The following CDK14 variants were observed in gnomAD, a reference collection of about 807,000 sequenced individuals.
The protein encoded by CDK14 is cyclin dependent kinase 14.
Under a neutral mutation model 60.7 loss-of-function variants are expected in CDK14, and 34 were observed. The ratio of observed to expected loss-of-function variants is 0.56; its 90% CI spans 0.43 to 0.75. The LOEUF (loss-of-function observed/expected upper bound fraction) is 0.75. Ranked by LOEUF, CDK14 falls within the 30% of genes least tolerant of loss-of-function variation. The probability of loss-of-function intolerance (pLI) is 0.00; values close to 1 mark genes in which losing one functional copy is unlikely to be tolerated. For missense variants in CDK14, 482 were observed against 564.1 expected, an observed-to-expected ratio of 0.85 and a Z score of 1.47; for synonymous variants, 197 against 203.7, an observed-to-expected ratio of 0.97 and a Z score of 0.28.
chr7:90,882,684 A>G (rs1429388930), intron 6 of CDK14, among the ~76,000 whole-genome samples: 2 of 152,154 alleles, frequency 1.3e-5, no homozygotes, highest in Non-Finnish European at 2.9e-5. Context: ...GAATCAACCA[A>G]ATTAATTGGA....
intron 2 of CDK14, among the ~76,000 whole-genome samples, chr7:90,619,073 C>T (rs552790428): frequency 3.3e-5 from 5 of 152,178 alleles, no homozygotes; most frequent in Non-Finnish European, 7.3e-5. Flanking sequence ...CATTTGAGAG[C>T]CTCTAACTTG....
intron 5 of CDK14, among the ~76,000 whole-genome samples, chr7:90,831,405 C>T (rs1789906068): frequency 6.6e-6 from 1 of 152,146 alleles, no homozygotes; most frequent in Non-Finnish European, 1.5e-5. Flanking sequence ...GATGGGGGAA[C>T]CTCCCCGATG....
At chr7:91,144,295 A>G (rs917158450) in intron 14 of CDK14, among the ~76,000 whole-genome samples, 1 of 152,236 alleles carries the variant, frequency 6.6e-6, no homozygotes, top group Non-Finnish European at 1.5e-5. Context: ...TTTCAAATAG[A>G]TATCACAGTT....
At chr7:90,845,789 G>A (rs1229043853) in intron 5 of CDK14, among the ~76,000 whole-genome samples, 1 of 152,000 alleles carries the variant, frequency 6.6e-6, no homozygotes, top group Non-Finnish European at 1.5e-5. Context: ...AATAAAATGA[G>A]AATTTTTTTG....
At chr7:91,008,461 G>T (rs1476872634) in intron 10 of CDK14, among the ~76,000 whole-genome samples, 1 of 152,130 alleles carries the variant, frequency 6.6e-6, no homozygotes, top group African/African-American at 2.4e-5. Context: ...GGTTTCATGT[G>T]TTTTTGTTGT....
At chr7:90,905,383 C>G (rs1240959992) in intron 7 of CDK14, among the ~76,000 whole-genome samples, 1 of 152,064 alleles carries the variant, frequency 6.6e-6, no homozygotes, top group Non-Finnish European at 1.5e-5. Flanking sequence ...AACAAAAGAA[C>G]TAGATTATTA....
intron 2 of CDK14, among the ~76,000 whole-genome samples, chr7:90,640,881 A>G (rs763644324): frequency 4.6e-5 from 7 of 152,190 alleles, no homozygotes; most frequent in Middle Eastern, 3.2e-3. Context: ...GAATATATAA[A>G]GAACTCTTAC....
chr7:90,785,079 A>G (rs1805520531), intron 4 of CDK14, among the ~76,000 whole-genome samples: 1 of 152,234 alleles, frequency 6.6e-6, no homozygotes, highest in South Asian at 2.1e-4. Flanking sequence ...CGAGCATTGT[A>G]TATGTCTGCA....
chr7:91,187,392 T>C (rs766674358), intron 14 of CDK14, among the ~76,000 whole-genome samples: 12 of 152,248 alleles, frequency 7.9e-5, no homozygotes, highest in Non-Finnish European at 1.5e-4. Context: ...CAGAGTGTTC[T>C]TTTCACCATT....
At chr7:90,794,831 T>C (rs1805987625) in intron 5 of CDK14, among the ~76,000 whole-genome samples, 1 of 152,192 alleles carries the variant, frequency 6.6e-6, no homozygotes, top group South Asian at 2.1e-4. Context: ...GGGGAAGTGA[T>C]AAGTGTCCAT....
chr7:90,917,127 G>C (rs993532502), intron 7 of CDK14, among the ~76,000 whole-genome samples: 2 of 152,110 alleles, frequency 1.3e-5, no homozygotes, highest in Admixed American at 6.5e-5. Flanking sequence ...ATTCCTTAAA[G>C]CATGTTAATG....
intron 10 of CDK14, among the ~76,000 whole-genome samples, chr7:91,019,746 A>C (rs67952914): frequency 0.047 from 7,121 of 152,248 alleles, 256 homozygotes; most frequent in Non-Finnish European, 0.071. Flanking sequence ...TGACCAACAA[A>C]GGGACTACTA....
chr7:90,832,612 A>T (rs1354319652), intron 5 of CDK14, among the ~76,000 whole-genome samples: 2 of 152,224 alleles, frequency 1.3e-5, no homozygotes, highest in Non-Finnish European at 2.9e-5. Context: ...AATTTTTAAA[A>T]GAGTCAATCA....
intron 2 of CDK14, among the ~76,000 whole-genome samples, chr7:90,619,649 C>A (rs183226228): frequency 2.6e-5 from 4 of 152,050 alleles, no homozygotes; most frequent in Admixed American, 2.6e-4. Context: ...GAGAACTGAC[C>A]GTTATGTTTA....
At chr7:90,923,033 T>A (rs979473856) in intron 8 of CDK14, among the ~76,000 whole-genome samples, 4 of 152,064 alleles carry the variant, frequency 2.6e-5, no homozygotes, top group Non-Finnish European at 4.4e-5. Context: ...GAGTTTACAT[T>A]AGGGTGACAT....
intron 14 of CDK14, among the ~76,000 whole-genome samples, chr7:91,138,992 A>G (rs1353906839): frequency 2.0e-5 from 3 of 152,160 alleles, no homozygotes; most frequent in African/African-American, 4.8e-5. Flanking sequence ...TGCAATAACA[A>G]GCAGACATCA....
At chr7:90,936,041 T>TAAAA (rs11444141) in intron 8 of CDK14, among the ~76,000 whole-genome samples, 3 of 146,262 alleles carry the variant, frequency 2.1e-5, no homozygotes, top group Non-Finnish European at 4.5e-5. Flanking sequence ...GACCCTGTCT[T>TAAAA]AAAAAAAAAA....
chr7:90,699,370 C>T (rs551651498), intron 2 of CDK14, among the ~76,000 whole-genome samples: 24 of 152,190 alleles, frequency 1.6e-4, no homozygotes, highest in Non-Finnish European at 2.8e-4. Context: ...ATTGCAATAA[C>T]GCTTGCTTTA....
intron 9 of CDK14, among the ~76,000 whole-genome samples, chr7:90,963,007 T>C (rs1371675671): frequency 2.0e-5 from 3 of 152,012 alleles, no homozygotes; most frequent in African/African-American, 7.2e-5. Flanking sequence ...CTGCTCTATT[T>C]GGTTTTAGGG....
Sources: gnomAD v4.1 joint callset for allele counts (sites outside exome capture counted in the v4.1 genomes callset) on GRCh38, gnomAD v4.1.1 for gene constraint, MANE v1.5 for transcripts, NCBI Gene and HGNC (gene_info 2026-07-23, HGNC 2026-07-21) for gene names.